The following TYW1 variants were observed in gnomAD, a reference collection of about 807,000 sequenced individuals.
The protein encoded by TYW1 is S-adenosyl-L-methionine-dependent tRNA 4-demethylwyosine synthase TYW1.
In TYW1, 46 loss-of-function variants were observed where a neutral mutation model predicts 96.2. The observed-to-expected ratio is 0.48, with a 90% CI of 0.38 to 0.61. The LOEUF (loss-of-function observed/expected upper bound fraction) is 0.61. Among genes scored for constraint, TYW1 ranks in the 20% least tolerant of loss-of-function variants. The pLI is 0.00. For missense variants in TYW1, 684 were observed against 909.6 expected (o/e 0.75, Z 3.19); for synonymous variants, 274 against 323.0 (o/e 0.85, Z 1.63).
intron 13 of TYW1, among the ~76,000 whole-genome samples, chr7:67,154,087 T>A (rs6972762): frequency 0.26 from 39,409 of 151,660 alleles, 5,586 homozygotes; most frequent in African/African-American, 0.38. Flanking sequence ...CACCTGGCTA[T>A]TTTTTTTGTA....
chr7:67,010,898 C>T (rs569802766), intron 4 of TYW1, among the ~76,000 whole-genome samples: 2 of 152,234 alleles, frequency 1.3e-5, no homozygotes, highest in Admixed American at 1.3e-4. Context: ...TTTTGAATCT[C>T]TTAATTAAGG....
intron 7 of TYW1, among the ~76,000 whole-genome samples, chr7:67,043,445 T>C (rs1795092395): frequency 6.6e-6 from 1 of 151,016 alleles, no homozygotes; most frequent in South Asian, 2.1e-4. Context: ...AACACTAACA[T>C]CAGCATCATT....
chr7:67,113,033 C>T (rs1228993985), intron 12 of TYW1, among the ~76,000 whole-genome samples: 10 of 152,282 alleles, frequency 6.6e-5, no homozygotes, highest in African/African-American at 2.4e-4. Context: ...CTGCATCTCA[C>T]AGCTGCAGGC....
intron 9 of TYW1, among the ~76,000 whole-genome samples, chr7:67,059,874 G>A (rs1004800429): frequency 9.2e-5 from 14 of 151,494 alleles, no homozygotes; most frequent in African/African-American, 3.4e-4. Context: ...CTGGGTTCAA[G>A]CAATTCTCCT....
At chr7:67,166,201 G>C (rs1365691888) in intron 13 of TYW1, among the ~76,000 whole-genome samples, 2 of 150,924 alleles carry the variant, frequency 1.3e-5, no homozygotes, top group Non-Finnish European at 2.9e-5. Flanking sequence ...GGTACAGTGA[G>C]CTATGATTGT....
chr7:67,092,299 T>C (rs1453945557), intron 11 of TYW1, among the ~76,000 whole-genome samples: 1 of 151,992 alleles, frequency 6.6e-6, no homozygotes, highest in Non-Finnish European at 1.5e-5. Flanking sequence ...TTTTGTATTA[T>C]ATTATAGTCT....
rs202084503 is a variant in TYW1 at position 67,169,992 on chromosome 7, CCTT to C, written c.1699-13131_1699-13129del. Among the ~76,000 whole-genome samples, 557 of 152,132 alleles carry C rather than the reference CCTT, an allele frequency of 3.7e-3. 5 individuals carry two copies. The highest frequency in any genetic ancestry group is 0.012 in the African/African-American group (513 of 41,512). On this transcript the variant is annotated intron_variant, in intron 13 of 15. Transcript: ENST00000359626. ...AAAGTCCATTGTATCTTTTTTTCCT[CCTT>C]CTGTTGCTTATGTTTTTGGTGTCAT... is the stretch of plus-strand genomic sequence containing the variant.
At chr7:67,058,405 G>A (rs10249587) in intron 9 of TYW1, among the ~76,000 whole-genome samples, 37,088 of 152,100 alleles carry the variant, frequency 0.24, 4,798 homozygotes, top group African/African-American at 0.32. Flanking sequence ...CTCTTCAGGG[G>A]GTCATTGGCC....
At chr7:67,067,745 G>A (rs1795908637) in intron 10 of TYW1, among the ~76,000 whole-genome samples, 2 of 151,930 alleles carry the variant, frequency 1.3e-5, no homozygotes, top group East Asian at 3.9e-4. Flanking sequence ...TGTTTATCTT[G>A]CTCTCCTACA....
intron 10 of TYW1, among the ~76,000 whole-genome samples, chr7:67,070,021 G>A (rs564474686): frequency 1.3e-5 from 2 of 152,274 alleles, no homozygotes; most frequent in South Asian, 4.1e-4. Flanking sequence ...TAGACTGACA[G>A]TTTTTTTCTT....
At chr7:67,093,999 G>A (rs552668292) in intron 11 of TYW1, among the ~76,000 whole-genome samples, 14 of 152,210 alleles carry the variant, frequency 9.2e-5, no homozygotes, top group East Asian at 1.9e-4. Flanking sequence ...CTCTCACCCC[G>A]TCCCATCCTC....
At chr7:67,168,774 C>G (rs945930892) in intron 13 of TYW1, among the ~76,000 whole-genome samples, 1 of 151,476 alleles carries the variant, frequency 6.6e-6, no homozygotes, top group African/African-American at 2.4e-5. Context: ...TGCAGTGTTG[C>G]GATCTTGGCT....
intron 7 of TYW1, among the ~76,000 whole-genome samples, chr7:67,040,169 G>A (rs568977991): frequency 6.6e-6 from 1 of 150,948 alleles, no homozygotes; most frequent in Admixed American, 6.6e-5. Context: ...TGTTGGCCAG[G>A]GTAATTTTGA....
intron 4 of TYW1, among the ~76,000 whole-genome samples, chr7:67,011,379 A>T (rs549818760): frequency 2.1e-4 from 32 of 152,352 alleles, no homozygotes; most frequent in African/African-American, 7.5e-4. Flanking sequence ...CTTCATCTGA[A>T]AAGTGTTCCT....
intron 15 of TYW1, among the ~76,000 whole-genome samples, chr7:67,217,698 G>A (rs1294673989): frequency 6.6e-6 from 1 of 151,770 alleles, no homozygotes; most frequent in Admixed American, 6.6e-5. Context: ...CCAGTTTTGT[G>A]TTTTTTCTCA....
chr7:67,232,232 A>G (rs1584725392), intron 15 of TYW1, among the ~76,000 whole-genome samples: 1 of 151,838 alleles, frequency 6.6e-6, no homozygotes, highest in Non-Finnish European at 1.5e-5. Context: ...GCGCCCAGCC[A>G]CTGCCCCCAG....
At chr7:67,109,005 G>A (rs1442502783) in intron 12 of TYW1, among the ~76,000 whole-genome samples, 1 of 152,012 alleles carries the variant, frequency 6.6e-6, no homozygotes, top group East Asian at 1.9e-4. Flanking sequence ...CGGGTGCGGT[G>A]GCTCACGCCT....
chr7:67,069,910 G>A (rs139062214), intron 10 of TYW1, among the ~76,000 whole-genome samples: 149 of 152,264 alleles, frequency 9.8e-4, no homozygotes, highest in African/African-American at 3.3e-3. Context: ...AGTATTTATC[G>A]TAGGGCAGGT....
At chr7:67,184,061 T>C (rs1799924923) in intron 14 of TYW1, among the ~76,000 whole-genome samples, 1 of 152,126 alleles carries the variant, frequency 6.6e-6, no homozygotes, top group African/African-American at 2.4e-5. Flanking sequence ...TCAAGCGACC[T>C]TCCTACCTCG....
Sources: gnomAD v4.1 joint callset for allele counts (sites outside exome capture counted in the v4.1 genomes callset) on GRCh38, gnomAD v4.1.1 for gene constraint, MANE v1.5 for transcripts, NCBI Gene and HGNC (gene_info 2026-07-23, HGNC 2026-07-21) for gene names.